The following TJP2 variants were observed in gnomAD, a reference collection of about 807,000 sequenced individuals.
The protein encoded by TJP2 is Friedreich ataxia region gene X104 (tight junction protein ZO-2).
Under a neutral mutation model 133.1 loss-of-function variants are expected in TJP2, and 91 were observed. The ratio of observed to expected loss-of-function variants is 0.68; its 90% CI spans 0.58 to 0.81. The LOEUF is 0.81. Among genes scored for constraint, TJP2 ranks in the 40% least tolerant of loss-of-function variants. The pLI, the probability that TJP2 is intolerant of heterozygous loss-of-function variation, is 0.00. For missense variants in TJP2, 1,541 were observed against 1,565.6 expected (o/e 0.98, Z 0.26); for synonymous variants, 592 against 583.4 (o/e 1.01, Z -0.21).
intron 2 of TJP2, among the ~76,000 whole-genome samples, chr9:69,157,856 G>A (rs1487619624): frequency 6.6e-6 from 1 of 152,154 alleles, no homozygotes. Flanking sequence ...ACAAGACAGA[G>A]TGCTGGTCAT....
intron 6 of TJP2, among the ~76,000 whole-genome samples, chr9:69,225,622 A>T (rs1323301183): frequency 2.0e-5 from 3 of 152,190 alleles, no homozygotes; most frequent in Admixed American, 6.5e-5. Context: ...AAAACAAAAA[A>T]ACTCCATGAA....
At chr9:69,207,523 T>C (rs1374947718) in intron 1 of TJP2, among the ~76,000 whole-genome samples, 1 of 152,240 alleles carries the variant, frequency 6.6e-6, no homozygotes, top group Non-Finnish European at 1.5e-5. Context: ...ACTCTATACA[T>C]GTGTCCTTGT....
chr9:69,177,866 C>T (rs1825212618), intron 1 of TJP2, among the ~76,000 whole-genome samples: 1 of 152,030 alleles, frequency 6.6e-6, no homozygotes, highest in Non-Finnish European at 1.5e-5. Context: ...ATGCTGCATA[C>T]ATTGTAGTGT....
chr9:69,221,122 G>A lies in TJP2; in HGVS notation c.578G>A (p.Arg193Gln), dbSNP rs991161369. 2 of 1,587,394 alleles carry A rather than the reference G, an allele frequency of 1.3e-6. No homozygotes were observed. The highest frequency in any genetic ancestry group is 1.3e-5 in the African/African-American group (1 of 74,288). The stretch of plus-strand genomic sequence containing the variant: ...CGGAGCCGGGAGCGGGACCTCAGCC[G>A]GGACCGGAGCCGTGGCCGGAGCCTG... Reference protein sequence around the residue: ...RARSRERDLSRDRSRGRSLER... With the variant: ...RARSRERDLSQDRSRGRSLER... The change falls in exon 5 of 23, where the codon CGG becomes CAG. Residue 193 changes from arginine (R) to glutamine (Q), a missense_variant. Coordinates refer to ENST00000377245, the MANE Select transcript of TJP2 (RefSeq NM_004817.4).
intron 2 of TJP2, among the ~76,000 whole-genome samples, chr9:69,212,913 T>C (rs186026301): frequency 0.023 from 1,143 of 48,850 alleles, 4 homozygotes; most frequent in Non-Finnish European, 0.048. Context: ...TGTTTAAGGA[T>C]GTGGAGGGAG....
Position 69,177,575 on chromosome 9 carries a change from G to GA in TJP2, c.60+3152dup, listed in dbSNP as rs141456018. Among the ~76,000 whole-genome samples, 975 of 150,536 alleles carry GA rather than the reference G, an allele frequency of 6.5e-3. 17 individuals carry two copies. The highest frequency in any genetic ancestry group is 0.019 in the African/African-American group (781 of 41,120). On this transcript the variant is annotated intron_variant, in intron 1 of 22. Transcript: ENST00000377245. ...TTGAAAAGGCTGTGTGATAGCAATG[G>GA]AAAAAAAAATTCAGGCATGGAAATC...
chr9:69,165,106 AG>A (rs1422870571), intron 2 of TJP2, among the ~76,000 whole-genome samples: 1 of 152,152 alleles, frequency 6.6e-6, no homozygotes, highest in Non-Finnish European at 1.5e-5. Flanking sequence ...CTGGGATTAC[AG>A]GCTTGAGCCA....
intron 1 of TJP2, among the ~76,000 whole-genome samples, chr9:69,202,480 TC>T (rs1248665357): frequency 6.6e-6 from 1 of 152,182 alleles, no homozygotes; most frequent in African/African-American, 2.4e-5. Context: ...CAGTCAAAAA[TC>T]CATGTATAAC....
chr9:69,156,541 T>A (rs1200980973), intron 2 of TJP2, among the ~76,000 whole-genome samples: 10 of 144,478 alleles, frequency 6.9e-5, no homozygotes, highest in South Asian at 2.3e-4. Context: ...TTTTTTTTTT[T>A]TTTTTTTTGA....
chr9:69,171,988 G>A (rs1294392886), upstream of TJP2, among the ~76,000 whole-genome samples: 2 of 151,846 alleles, frequency 1.3e-5, no homozygotes, highest in African/African-American at 4.8e-5. Context: ...GTAGAGACGG[G>A]GTCTCACCAT....
At chr9:69,232,979 C>G (rs1563941217) in intron 11 of TJP2, among the ~76,000 whole-genome samples, 1 of 152,266 alleles carries the variant, frequency 6.6e-6, no homozygotes, top group Non-Finnish European at 1.5e-5. Context: ...CCTTGTGGCC[C>G]TGTCTTATTT....
At chr9:69,135,528 C>T (rs538609469) in intron 1 of TJP2, among the ~76,000 whole-genome samples, 13 of 152,266 alleles carry the variant, frequency 8.5e-5, no homozygotes, top group Non-Finnish European at 1.5e-4. Flanking sequence ...GCAACCTCTG[C>T]CTCCCGGATT....
chr9:69,204,768 G>C (rs1275304354), intron 1 of TJP2: 18 of 1,015,244 alleles, frequency 1.8e-5, no homozygotes, highest in Non-Finnish European at 2.1e-5. Context: ...GGTCTATACT[G>C]TATAAATACT....
In TJP2 at chr9:69,212,581, T is replaced by C. The variant is rs776190114; in HGVS notation, c.94T>C (p.Tyr32His). The C allele has an allele frequency of 6.2e-7, 1 of 1,613,366 alleles. No homozygotes were observed. Among genetic ancestry groups the C allele is most frequent in the South Asian group, 1.1e-5 (1 of 91,074 alleles). ...PGMEELIWEQYTVTLQKDSKR... is the reference protein window; with the variant it reads ...PGMEELIWEQHTVTLQKDSKR... ...CATGGAAGAGCTGATATGGGAACAGTACACTGTGACCCTACAAAAGGTGAG... is the reference window on the plus strand; with the variant it reads ...CATGGAAGAGCTGATATGGGAACAGCACACTGTGACCCTACAAAAGGTGAG... The change falls in exon 2 of 23, where the codon TAC (tyrosine) becomes CAC (histidine). Residue 32 changes from tyrosine to histidine, a missense_variant. Transcript: ENST00000377245.
At chr9:69,160,945 C>A (rs1301251040) in intron 2 of TJP2, among the ~76,000 whole-genome samples, 1 of 152,106 alleles carries the variant, frequency 6.6e-6, no homozygotes, top group Non-Finnish European at 1.5e-5. Flanking sequence ...TGTGGGAATT[C>A]AAGATGAGAT....
At chr9:69,128,598 C>T (rs2133224188) in intron 1 of TJP2, among the ~76,000 whole-genome samples, 1 of 150,938 alleles carries the variant, frequency 6.6e-6, no homozygotes, top group East Asian at 2.0e-4. Flanking sequence ...TCTCGTTTCA[C>T]TACAAGCTCT....
chr9:69,229,872 C>T (rs1829636960), intron 10 of TJP2, among the ~76,000 whole-genome samples: 1 of 152,144 alleles, frequency 6.6e-6, no homozygotes, highest in Admixed American at 6.5e-5. Context: ...TATGTCTTCA[C>T]CAGTAACCAG....
At chr9:69,168,800 CAAA>C (rs71507119) in intron 2 of TJP2, among the ~76,000 whole-genome samples, 36 of 136,776 alleles carry the variant, frequency 2.6e-4, no homozygotes, top group Admixed American at 6.4e-4. Context: ...GAAACTGTCT[CAAA>C]AAAAAAAAAA....
At chr9:69,223,054 G>A (rs1223725231) in intron 5 of TJP2, among the ~76,000 whole-genome samples, 1 of 100,172 alleles carries the variant, frequency 1.0e-5, no homozygotes, top group African/African-American at 4.3e-5. Context: ...GGGTGACAGA[G>A]CGAGACTCTG....
Sources: allele counts gnomAD v4.1 joint callset (sites outside exome capture counted in the v4.1 genomes callset), GRCh38; gene constraint gnomAD v4.1.1; transcripts MANE v1.5; gene names NCBI Gene and HGNC (gene_info 2026-07-23, HGNC 2026-07-21).